The following FTO variants were observed in gnomAD, a reference collection of about 807,000 sequenced individuals.
FTO encodes FTO alpha-ketoglutarate dependent dioxygenase.
In FTO, 47 loss-of-function variants were observed where a neutral mutation model predicts 63.9. The ratio of observed to expected loss-of-function variants is 0.74; its 90% CI spans 0.58 to 0.94. The LOEUF (loss-of-function observed/expected upper bound fraction) is 0.94, where lower values mean the gene tolerates loss of function less well. FTO is among the 40% of genes least tolerant of loss of function. The pLI is 0.00. For synonymous variants in FTO, 207 were observed against 224.4 expected, an observed-to-expected ratio of 0.92 and a Z score of 0.69; for missense variants, 562 against 618.1, an observed-to-expected ratio of 0.91 and a Z score of 0.96.
intron 8 of FTO, among the ~76,000 whole-genome samples, chr16:54,033,763 A>G (rs2084881753): frequency 6.6e-6 from 1 of 152,128 alleles, no homozygotes; most frequent in Non-Finnish European, 1.5e-5. Flanking sequence ...GCTGCAGGGA[A>G]CTATGATCAT....
chr16:54,003,500 A>G (rs1460970353), intron 8 of FTO, among the ~76,000 whole-genome samples: 2 of 152,166 alleles, frequency 1.3e-5, no homozygotes, highest in African/African-American at 4.8e-5. Flanking sequence ...ATCTCCATAT[A>G]GAGCTTTCCT....
chr16:53,824,735 G>A (rs1380198626), intron 2 of FTO, among the ~76,000 whole-genome samples: 1 of 152,200 alleles, frequency 6.6e-6, no homozygotes, highest in African/African-American at 2.4e-5. Flanking sequence ...AGGGAGGACA[G>A]GTTAATGTGT....
chr16:53,852,959 G>C (rs775400101), intron 4 of FTO, among the ~76,000 whole-genome samples: 1 of 152,070 alleles, frequency 6.6e-6, no homozygotes, highest in East Asian at 1.9e-4. Context: ...TTATCATACT[G>C]GGATTTCTTC....
intron 8 of FTO, among the ~76,000 whole-genome samples, chr16:53,958,794 C>A (rs1295811866): frequency 6.6e-6 from 1 of 152,178 alleles, no homozygotes; most frequent in Non-Finnish European, 1.5e-5. Context: ...AGCCTGACAT[C>A]TAGGCCGGTG....
chr16:53,716,077 G>A (rs536343305), intron 1 of FTO, among the ~76,000 whole-genome samples: 108 of 152,240 alleles, frequency 7.1e-4, no homozygotes, highest in African/African-American at 2.4e-3. Context: ...GAGCATGGGC[G>A]CAATAGTAAA....
chr16:53,726,559 A>G (rs545832792), intron 1 of FTO, among the ~76,000 whole-genome samples: 3 of 152,312 alleles, frequency 2.0e-5, no homozygotes, highest in Admixed American at 1.3e-4. Context: ...CTTTGCATGC[A>G]TTTGTGATTT....
intron 1 of FTO, among the ~76,000 whole-genome samples, chr16:53,710,062 C>T (rs988934931): frequency 1.8e-4 from 27 of 152,138 alleles, no homozygotes; most frequent in African/African-American, 6.0e-4. Context: ...TTGTCAGGTC[C>T]CTTTGGTCTC....
chr16:53,893,115 A>G (rs1332780482), intron 7 of FTO, among the ~76,000 whole-genome samples: 1 of 152,142 alleles, frequency 6.6e-6, no homozygotes, highest in African/African-American at 2.4e-5. Flanking sequence ...TGACATTCTG[A>G]TAAAATATCA....
intron 8 of FTO, among the ~76,000 whole-genome samples, chr16:54,013,815 C>T (rs1184740267): frequency 6.6e-6 from 1 of 152,194 alleles, no homozygotes; most frequent in Non-Finnish European, 1.5e-5. Context: ...GTCTAAAAAA[C>T]ATAATTTTTA....
chr16:53,973,241 C>T (rs573075257), intron 8 of FTO, among the ~76,000 whole-genome samples: 2 of 147,264 alleles, frequency 1.4e-5, no homozygotes, highest in South Asian at 4.1e-4. Context: ...CAAGTCTACT[C>T]AGCAGGAGGC....
rs1273137447 is a variant in FTO, at chr16:53,888,840, T to C, written c.1128T>C (p.Phe376=). The C allele has an allele frequency of 1.9e-6, 3 of 1,614,066 alleles. No homozygotes were observed. The highest frequency in any genetic ancestry group is 2.5e-6 in the Non-Finnish European group (3 of 1,179,944). The stretch of plus-strand genomic sequence containing the variant: ...CTCTTTATGGTCCACAGGTCGAGTT[T>C]GAGTGGCTGAGGCAGTTTTGGTTTC... The part of the protein sequence containing the change: ...QGEEIHNEVE[F]EWLRQFWFQG... The change falls in exon 7 of 9, where the codon TTT becomes TTC. Residue 376 remains phenylalanine, a synonymous_variant. Transcript: ENST00000471389.
Position 54,120,831 on chromosome 16 carries a change from T to A in FTO, c.*8916T>A, listed in dbSNP as rs925298379. ...CTTTGTTACTCTAGAAAACAGTGTG[T>A]GTGCTATTGTTTTCTCCATAGGTCA... On this transcript the variant is annotated 3_prime_UTR_variant, in exon 9 of 9. Coordinates refer to ENST00000471389, the MANE Select transcript of FTO (RefSeq NM_001080432.3). 6.6e-6 allele frequency: 1 copy of A among 152,192 alleles called. No individual in the cohort carries two copies. Among genetic ancestry groups the A allele is most frequent in the African/African-American group, 2.4e-5 (1 of 41,442 alleles). 9.4% of individuals were successfully genotyped at this position (152,192 alleles called of 1,614,324 possible).
intron 1 of FTO, among the ~76,000 whole-genome samples, chr16:53,777,522 T>C (rs1234301763): frequency 6.6e-6 from 1 of 152,234 alleles, no homozygotes; most frequent in African/African-American, 2.4e-5. Flanking sequence ...CTTTTGCACT[T>C]TGAATGCATC....
chr16:53,761,396 C>T (rs2077066232), intron 1 of FTO, among the ~76,000 whole-genome samples: 1 of 152,100 alleles, frequency 6.6e-6, no homozygotes, highest in South Asian at 2.1e-4. Flanking sequence ...ACCACTGCAC[C>T]CAGTATATTG....
chr16:53,939,347 A>G (rs2082470061), intron 8 of FTO, among the ~76,000 whole-genome samples: 1 of 152,220 alleles, frequency 6.6e-6, no homozygotes, highest in Admixed American at 6.5e-5. Flanking sequence ...CTTTAAAGCC[A>G]TGGCCCTAAA....
At chr16:53,796,470 C>G (rs140176883) in intron 1 of FTO, among the ~76,000 whole-genome samples, 110 of 152,198 alleles carry the variant, frequency 7.2e-4, no homozygotes, top group South Asian at 4.6e-3. Flanking sequence ...AAAGCTAAAA[C>G]TCTGGAGAAT....
intron 8 of FTO, among the ~76,000 whole-genome samples, chr16:53,938,823 C>T (rs967947561): frequency 6.6e-6 from 1 of 152,098 alleles, no homozygotes; most frequent in Admixed American, 6.5e-5. Flanking sequence ...GGCATGGTGG[C>T]TCACGCCTGT....
At position 53,925,869 on chromosome 16, in the gene FTO, C is replaced by A. The variant is rs942763315; in HGVS notation, c.1240-8116C>A. Among the ~76,000 whole-genome samples the A allele has an allele frequency of 2.0e-5, 3 of 152,124 alleles. No homozygotes were observed. In the East Asian group the frequency reaches 5.8e-4, roughly 29 times the overall value. On this transcript the variant is annotated intron_variant, in intron 7 of 8. Transcript: ENST00000471389. The stretch of plus-strand genomic sequence containing the variant: ...CCGTTCAGAATTGGGAGACTTTTTC[C>A]AAGAAAGACAGGAAACTTAAGCATA...
chr16:53,723,364 A>T (rs1400681415), intron 1 of FTO, among the ~76,000 whole-genome samples: 1 of 152,180 alleles, frequency 6.6e-6, no homozygotes, highest in Non-Finnish European at 1.5e-5. Context: ...AGTTTTTAGT[A>T]TTATTTCATG....
Sources: allele counts gnomAD v4.1 joint callset (sites outside exome capture counted in the v4.1 genomes callset), GRCh38; gene constraint gnomAD v4.1.1; transcripts MANE v1.5; gene names NCBI Gene and HGNC (gene_info 2026-07-23, HGNC 2026-07-21).